Variants in UST observed in about 807,000 individuals in gnomAD.
The protein encoded by UST is chondroitin sulfate 2-O-sulfotransferase.
A neutral mutation model predicts 45.6 loss-of-function variants in UST; 21 were observed. The ratio of observed to expected loss-of-function variants is 0.46; its 90% CI spans 0.33 to 0.66. UST has a LOEUF of 0.66. Ranked by LOEUF, UST falls within the 30% of genes least tolerant of loss-of-function variation. The pLI, the probability that UST is intolerant of heterozygous loss-of-function variation, is 0.02. For synonymous variants in UST, 215 were observed against 200.6 expected (o/e 1.07, Z -0.61); for missense variants, 463 against 512.4 (o/e 0.90, Z 0.93).
At chr6:148,870,415 T>C (rs943168752) in intron 1 of UST, among the ~76,000 whole-genome samples, 2 of 152,174 alleles carry the variant, frequency 1.3e-5, no homozygotes, top group African/African-American at 4.8e-5. Context: ...TTGTGAGGAC[T>C]TCCATTTGCC....
intron 1 of UST, among the ~76,000 whole-genome samples, chr6:148,792,355 G>A (rs1227013366): frequency 6.6e-6 from 1 of 152,224 alleles, no homozygotes; most frequent in Non-Finnish European, 1.5e-5. Context: ...GGCTGGCAAT[G>A]AGAGCTCACA....
At chr6:148,859,108 C>G (rs1778258567) in intron 1 of UST, among the ~76,000 whole-genome samples, 3 of 152,192 alleles carry the variant, frequency 2.0e-5, no homozygotes, top group Admixed American at 1.3e-4. Context: ...AGTTTACAGT[C>G]CTACCAACAG....
intron 7 of UST, among the ~76,000 whole-genome samples, chr6:149,058,344 CATGTGTGTGTGTGT>C (rs1300777137): frequency 5.5e-5 from 7 of 126,662 alleles, no homozygotes; most frequent in Non-Finnish European, 8.2e-5. Context: ...AAAGGAGGAG[CATGTGTGTGTGTGT>C]GTGTGTGTGT....
At chr6:148,768,947 C>T (rs1776369310) in intron 1 of UST, among the ~76,000 whole-genome samples, 1 of 152,190 alleles carries the variant, frequency 6.6e-6, no homozygotes, top group Non-Finnish European at 1.5e-5. Flanking sequence ...AACTTTTGTC[C>T]CCACATCTGT....
intron 7 of UST, among the ~76,000 whole-genome samples, chr6:149,029,479 TATATATA>T (rs1318530798): frequency 1.4e-5 from 2 of 145,954 alleles, no homozygotes; most frequent in Non-Finnish European, 3.0e-5. Flanking sequence ...ATATATAATG[TATATATA>T]ATATATAATG....
chr6:148,835,140 TA>T (rs1428175114), intron 1 of UST, among the ~76,000 whole-genome samples: 1 of 151,856 alleles, frequency 6.6e-6, no homozygotes, highest in Non-Finnish European at 1.5e-5. Context: ...AAAAACACAA[TA>T]AAAAATAATA....
chr6:149,010,279 T>C (rs889251138), intron 5 of UST, among the ~76,000 whole-genome samples: 11 of 152,198 alleles, frequency 7.2e-5, no homozygotes, highest in African/African-American at 2.2e-4. Flanking sequence ...TTATTTTTAT[T>C]TGGTTAGGCT....
chr6:149,015,304 C>T (rs1458549297), intron 5 of UST, among the ~76,000 whole-genome samples: 1 of 152,202 alleles, frequency 6.6e-6, no homozygotes, highest in African/African-American at 2.4e-5. Context: ...CATTGCAACA[C>T]AAATGGATTA....
rs527426049 is a variant in UST at position 148,748,164 on chromosome 6, TC to T, written c.247+490del. Among the ~76,000 whole-genome samples the T allele has an allele frequency of 7.9e-5, 12 of 152,230 alleles. No homozygotes were observed. The South Asian group carries it at 2.5e-3, about 32-fold the overall frequency. ...GCCACCGTCCGCTCTGAGAATTCTG[TC>T]CCGCAGATCCCCCGCCTGCCCGCCG... On this transcript the variant is annotated intron_variant, in intron 1 of 7. Coordinates refer to ENST00000367463, the MANE Select transcript of UST (RefSeq NM_005715.3). This position sits in a 1 kb window ranked among gnomAD's most constrained non-coding sequence, Gnocchi z 5.3.
chr6:149,011,400 G>A (rs1775809070), intron 5 of UST, among the ~76,000 whole-genome samples: 1 of 152,086 alleles, frequency 6.6e-6, no homozygotes, highest in African/African-American at 2.4e-5. Context: ...CCTAGTATTT[G>A]CTAGCACAAC....
At chr6:148,950,412 T>C (rs931423828) in intron 3 of UST, among the ~76,000 whole-genome samples, 1 of 152,174 alleles carries the variant, frequency 6.6e-6, no homozygotes, top group Non-Finnish European at 1.5e-5. Context: ...CTCCACCCTG[T>C]CCTCAGATCT....
intron 1 of UST, among the ~76,000 whole-genome samples, chr6:148,850,322 C>T (rs919324489): frequency 1.3e-5 from 2 of 152,176 alleles, no homozygotes; most frequent in African/African-American, 4.8e-5. Flanking sequence ...TATCATGCTA[C>T]ACCCCGTCTT....
chr6:148,853,933 A>G (rs1369727716), intron 1 of UST, among the ~76,000 whole-genome samples: 2 of 152,152 alleles, frequency 1.3e-5, no homozygotes, highest in African/African-American at 4.8e-5. Flanking sequence ...GATATTTTAG[A>G]TTTCCAGTCC....
Position 148,747,485 on chromosome 6 carries a change from G to C in UST, c.55G>C (p.Ala19Pro), listed in dbSNP as rs1394916131. 1.3e-6 allele frequency: 2 copies of C among 1,496,200 alleles called. No individual in the cohort carries two copies. The highest frequency in any genetic ancestry group is 4.7e-5 in the Admixed American group (2 of 42,396). The allele number at this position is 1,496,200 out of a possible 1,614,324, so 92.7% of individuals were successfully genotyped here. Reference protein sequence around the residue: ...GGGADPWPHGAPMGGAPPGLG... With the variant: ...GGGADPWPHGPPMGGAPPGLG... ...CGGCGCGGATCCCTGGCCCCATGGG[G>C]CCCCTATGGGGGGCGCCCCTCCGGG... The change falls in exon 1 of 8, where the codon GCC becomes CCC. Residue 19 changes from alanine (A) to proline (P), a missense_variant. Physicochemically the swap from Ala to Pro is conservative, Grantham distance 27 (BLOSUM62 -1). Around this residue, in one of 2 missense-constraint regions of UST, gnomAD observed 176 missense variants for 138.3 expected, o/e 1.27. Transcript: ENST00000367463.
intron 1 of UST, 127 bp downstream of exon 1, chr6:148,747,804 C>T (rs1248955475): frequency 1.6e-6 from 2 of 1,246,628 alleles, no homozygotes; most frequent in African/African-American, 1.6e-5. Flanking sequence ...TCTCCAGGTG[C>T]TAAGCCCGTG....
At chr6:148,814,561 G>A (rs1777321602) in intron 1 of UST, among the ~76,000 whole-genome samples, 1 of 152,154 alleles carries the variant, frequency 6.6e-6, no homozygotes, top group African/African-American at 2.4e-5. Context: ...AACTCTGTGT[G>A]TGACATCAGG....
At chr6:148,990,467 C>T in intron 5 of UST, 1 of 911,168 alleles carries the variant, frequency 1.1e-6, no homozygotes, top group Non-Finnish European at 1.3e-6. Context: ...TGCTTGACCT[C>T]TTTAACGTGA....
intron 1 of UST, among the ~76,000 whole-genome samples, chr6:148,870,237 C>A (rs1238895632): frequency 1.3e-5 from 2 of 152,088 alleles, no homozygotes; most frequent in African/African-American, 4.8e-5. Context: ...TGACACTACC[C>A]AGCCATGTGA....
chr6:148,747,780 C>T lies in UST; in HGVS notation c.247+103C>T, dbSNP rs1056591249. ...TTCTCGCGCTGCCACCGCGCGCCGCCGCCGCCCCGGGTCTCTCCAGGTGCT... is the reference window on the plus strand; with the variant it reads ...TTCTCGCGCTGCCACCGCGCGCCGCTGCCGCCCCGGGTCTCTCCAGGTGCT... On this transcript the variant is annotated intron_variant, in intron 1 of 7. Transcript: ENST00000367463. 19 of 1,392,078 alleles carry T rather than the reference C, an allele frequency of 1.4e-5. No individual in the cohort carries two copies. The South Asian group carries it at 2.2e-4, about 16-fold the overall frequency. 86.2% of individuals were successfully genotyped at this position (1,392,078 alleles called of 1,614,324 possible).
Sources: allele counts gnomAD v4.1 joint callset (sites outside exome capture counted in the v4.1 genomes callset), GRCh38; gene constraint gnomAD v4.1.1; regional missense constraint gnomAD v4.1.1; non-coding constraint Gnocchi (gnomAD v3.1); transcripts MANE v1.5; gene names NCBI Gene and HGNC (gene_info 2026-07-23, HGNC 2026-07-21).